The following BAZ2B variants were observed in gnomAD, a reference collection of about 807,000 sequenced individuals.
BAZ2B encodes the protein bromodomain adjacent to zinc finger domain protein 2B.
In BAZ2B, 91 loss-of-function variants were observed where a neutral mutation model predicts 246.0. The ratio of observed to expected loss-of-function variants is 0.37; its 90% CI spans 0.31 to 0.44. BAZ2B has a LOEUF of 0.44. Ranked by LOEUF, BAZ2B falls within the 20% of genes least tolerant of loss-of-function variation. The pLI, the probability that BAZ2B is intolerant of heterozygous loss-of-function variation, is 1.00. For synonymous variants in BAZ2B, 855 were observed against 860.0 expected, an observed-to-expected ratio of 0.99 and a Z score of 0.10; for missense variants, 2,332 against 2,533.7, an observed-to-expected ratio of 0.92 and a Z score of 1.71.
chr2:159,397,312 A>G, intron 19 of BAZ2B, 33 bp downstream of exon 19: 1 of 1,450,164 alleles, frequency 6.9e-7, no homozygotes, highest in Non-Finnish European at 9.4e-7. Context: ...TAAAATGTAC[A>G]TTCAACAATT....
the BAZ2B span, among the ~76,000 whole-genome samples, chr2:159,701,284 A>G: frequency 2.0e-5 from 3 of 152,180 alleles, no homozygotes; most frequent in Admixed American, 6.5e-5. Flanking sequence ...ATTTTAAAAC[A>G]AAGTTAATTT....
chr2:159,533,509 A>C (rs377550752), intron 2 of BAZ2B, among the ~76,000 whole-genome samples: 69 of 152,292 alleles, frequency 4.5e-4, no homozygotes, highest in African/African-American at 1.5e-3. Context: ...ACATTATCTT[A>C]ATTTCCCCAC....
intron 36 of BAZ2B, 122 bp downstream of exon 36, chr2:159,324,676 ACACACACACACAC>A (rs2063207025): frequency 4.2e-6 from 1 of 237,318 alleles, no homozygotes; most frequent in Admixed American, 1.0e-4. Flanking sequence ...ACACACACAC[ACACACACACACAC>A]CTGCCTCAAA....
chr2:159,501,159 AATATAT>A (rs1174412948), intron 2 of BAZ2B, among the ~76,000 whole-genome samples: 6 of 89,306 alleles, frequency 6.7e-5, no homozygotes, highest in Middle Eastern at 4.9e-3. Flanking sequence ...AATATATATA[AATATAT>A]AATATATATT....
At chr2:159,615,581 A>C (rs1490437581) in intron 1 of BAZ2B, 1 of 151,778 alleles carries the variant, frequency 6.6e-6, no homozygotes, top group African/African-American at 2.4e-5. Flanking sequence ...TGGCAGACGC[A>C]GCTCGTCAGT....
intron 6 of BAZ2B, among the ~76,000 whole-genome samples, chr2:159,440,170 C>T (rs2073116508): frequency 6.6e-6 from 1 of 151,932 alleles, no homozygotes; most frequent in East Asian, 1.9e-4. Flanking sequence ...AAAATTTCAC[C>T]AATAGAAAGA....
rs144545194 is a variant in BAZ2B, at chr2:159,453,395, A to AG, written c.334+217dup. ...TCCTGTGACAGACACCTATTTCTCT[A>AG]GTTAAATACCTGGATATCTAATTAA... On this transcript the variant is annotated intron_variant, in intron 4 of 36. Transcript: ENST00000392783. 2.4e-3 allele frequency among the ~76,000 whole-genome samples: 359 copies of AG among 152,348 alleles called. 4 individuals are homozygous for AG. The East Asian group carries it at 0.04, about 17-fold the overall frequency.
At chr2:159,571,568 C>T (rs1166911471) in intron 1 of BAZ2B, among the ~76,000 whole-genome samples, 1 of 152,202 alleles carries the variant, frequency 6.6e-6, no homozygotes, top group Non-Finnish European at 1.5e-5. Context: ...TTCAGGCCTA[C>T]TCCCTGACAT....
At chr2:159,355,298 A>G (rs2058982381) in intron 27 of BAZ2B, among the ~76,000 whole-genome samples, 1 of 152,166 alleles carries the variant, frequency 6.6e-6, no homozygotes. Context: ...TTCAGTTGAC[A>G]GTGTTACCAC....
chr2:159,411,226 A>G (rs759790266), intron 14 of BAZ2B, among the ~76,000 whole-genome samples: 14 of 152,140 alleles, frequency 9.2e-5, no homozygotes, highest in Non-Finnish European at 1.6e-4. Flanking sequence ...GTCTTGCTTC[A>G]TTGCCCAGGC....
At chr2:159,569,429 G>GA (rs1683404356) in intron 1 of BAZ2B, among the ~76,000 whole-genome samples, 1 of 152,024 alleles carries the variant, frequency 6.6e-6, no homozygotes, top group South Asian at 2.1e-4. Flanking sequence ...ATAAAAATAA[G>GA]AAACAAATTT....
At chr2:159,377,931 C>A (rs559267826) in intron 25 of BAZ2B, among the ~76,000 whole-genome samples, 1 of 151,280 alleles carries the variant, frequency 6.6e-6, no homozygotes, top group South Asian at 2.1e-4. Context: ...TTTGTTAGTT[C>A]TCTGTTAAAA....
chr2:159,563,038 A>G (rs2090032067), intron 1 of BAZ2B, among the ~76,000 whole-genome samples: 1 of 152,202 alleles, frequency 6.6e-6, no homozygotes, highest in South Asian at 2.1e-4. Context: ...CTGGAAAAAT[A>G]ATCATGCAAT....
At chr2:159,338,324 C>G (rs1559004692) in intron 31 of BAZ2B, among the ~76,000 whole-genome samples, 1 of 152,212 alleles carries the variant, frequency 6.6e-6, no homozygotes, top group Non-Finnish European at 1.5e-5. Flanking sequence ...GGAATCCTTT[C>G]CTGACCTCTT....
intron 1 of BAZ2B, among the ~76,000 whole-genome samples, chr2:159,610,171 A>C (rs570908322): frequency 2.0e-5 from 3 of 152,340 alleles, no homozygotes; most frequent in East Asian, 3.9e-4. Flanking sequence ...AAATCTCTGC[A>C]GCATACTCAA....
At chr2:159,511,036 A>G (rs903330812) in intron 2 of BAZ2B, among the ~76,000 whole-genome samples, 2 of 152,222 alleles carry the variant, frequency 1.3e-5, no homozygotes, top group African/African-American at 4.8e-5. Flanking sequence ...ACCAAACTAG[A>G]TTAGTAATAG....
At chr2:159,707,588 G>C in the BAZ2B span, among the ~76,000 whole-genome samples, 1 of 152,130 alleles carries the variant, frequency 6.6e-6, no homozygotes, top group Non-Finnish European at 1.5e-5. Context: ...AGCACTTTGG[G>C]AGGCTGAGGC....
rs376713398 is a variant in BAZ2B at position 159,505,855 on chromosome 2, T to C, written c.-2-27134A>G. Among the ~76,000 whole-genome samples, 8 of 152,274 alleles carry C rather than the reference T, an allele frequency of 5.3e-5. No individual in the cohort carries two copies. In the East Asian group the frequency reaches 1.5e-3, roughly 29 times the overall value. On this transcript the variant is annotated intron_variant, in intron 2 of 36. Coordinates refer to ENST00000392783, the MANE Select transcript of BAZ2B (RefSeq NM_013450.4). The stretch of plus-strand genomic sequence containing the variant: ...AGCTTCTAAAACCTGAAACTGACAA[T>C]GAAAGACTTGAAAAATAATTGGCTT...
At position 159,321,082 on chromosome 2, in the gene BAZ2B, C is replaced by A. The variant is rs571861007; in HGVS notation, c.6354-664G>T. On this transcript the variant is annotated intron_variant, in intron 36 of 36. Coordinates refer to ENST00000392783, the MANE Select transcript of BAZ2B (RefSeq NM_013450.4). The stretch of plus-strand genomic sequence containing the variant: ...CACTGTGGCTTCTGTGCTTTTCTGG[C>A]GGGATAAGCCCAATTCTCTTTCTCT... Among the ~76,000 whole-genome samples the A allele has an allele frequency of 3.8e-4, 58 of 152,182 alleles. 1 individual carries two copies. The highest frequency in any genetic ancestry group is 1.3e-4 in the Non-Finnish European group (9 of 68,012).
Sources: allele counts gnomAD v4.1 joint callset (sites outside exome capture counted in the v4.1 genomes callset), GRCh38; gene constraint gnomAD v4.1.1; transcripts MANE v1.5; gene names NCBI Gene and HGNC (gene_info 2026-07-23, HGNC 2026-07-21).